Variants in ESR1 observed in about 807,000 individuals in gnomAD.
The protein encoded by ESR1 is estrogen receptor.
Under a neutral mutation model 52.7 loss-of-function variants are expected in ESR1, and 12 were observed. The observed-to-expected ratio is 0.23, with a 90% CI of 0.15 to 0.37. ESR1 has a LOEUF of 0.37. ESR1 is among the 10% of genes least tolerant of loss of function. ESR1 has a pLI of 1.00. For missense variants in ESR1, 584 were observed against 779.7 expected (o/e 0.75, Z 2.99); for synonymous variants, 305 against 316.8 (o/e 0.96, Z 0.39).
At chr6:151,837,121 CTTTTT>C (rs11372738) in intron 1 of ESR1, among the ~76,000 whole-genome samples, 1 of 134,432 alleles carries the variant, frequency 7.4e-6, no homozygotes, top group Non-Finnish European at 1.6e-5. Context: ...AGACATCCCT[CTTTTT>C]TTTTTTTTTT....
In ESR1 at chr6:152,100,601, T is replaced by A. The variant is rs2050933453; in HGVS notation, c.*1635T>A. ...AAAAGAATGTTTGATTTCCTCTGGGTGACCTTATTGTCTGTAATTGAAACC... is the reference window on the plus strand; with the variant it reads ...AAAAGAATGTTTGATTTCCTCTGGGAGACCTTATTGTCTGTAATTGAAACC... On this transcript the variant is annotated 3_prime_UTR_variant, in exon 8 of 8. Transcript: ENST00000206249. 4.3e-6 allele frequency: 1 copy of A among 232,258 alleles called. No homozygotes were observed. The highest frequency in any genetic ancestry group is 8.5e-6 in the Non-Finnish European group (1 of 117,442). 14.4% of individuals were successfully genotyped at this position (232,258 alleles called of 1,614,324 possible).
chr6:151,747,248 G>C (rs1783553098), intron 2 of ESR1, among the ~76,000 whole-genome samples: 1 of 152,160 alleles, frequency 6.6e-6, no homozygotes. Context: ...GGGAACACTG[G>C]GAGATTCAGT....
At chr6:152,088,553 G>A (rs1585196239) in intron 6 of ESR1, among the ~76,000 whole-genome samples, 2 of 152,164 alleles carry the variant, frequency 1.3e-5, no homozygotes, top group Non-Finnish European at 2.9e-5. Context: ...AACCATTCAC[G>A]GAATAACGGG....
chr6:152,117,583 T>G (rs555281662), intron 6 of ESR1, among the ~76,000 whole-genome samples: 1 of 152,230 alleles, frequency 6.6e-6, no homozygotes. Flanking sequence ...AAAGATTATA[T>G]CCAAGTCCCA....
intron 2 of ESR1, among the ~76,000 whole-genome samples, chr6:151,736,460 C>T (rs1353535363): frequency 1.4e-5 from 2 of 146,872 alleles, no homozygotes; most frequent in Non-Finnish European, 3.0e-5. Flanking sequence ...GCAACCTCCA[C>T]TTCCCGGCCT....
chr6:151,714,722 T>C (rs1022682722), intron 2 of ESR1, among the ~76,000 whole-genome samples: 2 of 152,218 alleles, frequency 1.3e-5, no homozygotes, highest in African/African-American at 4.8e-5. Context: ...ATTTTGAGCC[T>C]ATGTGTATCT....
chr6:152,022,668 G>A (rs549868931), intron 5 of ESR1, among the ~76,000 whole-genome samples: 112 of 152,140 alleles, frequency 7.4e-4, no homozygotes, highest in Admixed American at 1.4e-3. Flanking sequence ...AAGGAAGGGT[G>A]TCTTTCAAAA....
At chr6:151,962,201 G>T (rs2037747495) in intron 4 of ESR1, among the ~76,000 whole-genome samples, 1 of 152,176 alleles carries the variant, frequency 6.6e-6, no homozygotes, top group Non-Finnish European at 1.5e-5. Flanking sequence ...CTGCATGGAT[G>T]TATTGAAACA....
chr6:151,901,275 C>T (rs193024447), intron 3 of ESR1, among the ~76,000 whole-genome samples: 61 of 152,324 alleles, frequency 4.0e-4, no homozygotes, highest in East Asian at 1.4e-3. Context: ...CCCCCAAAAC[C>T]GGTCTCACTC....
intron 5 of ESR1, among the ~76,000 whole-genome samples, 197 bp downstream of exon 5, chr6:152,011,991 C>T (rs2042802521): frequency 6.8e-6 from 1 of 147,236 alleles, no homozygotes; most frequent in Non-Finnish European, 1.5e-5. Flanking sequence ...CTAGACATTA[C>T]CTCAGAAGAA....
At chr6:152,068,549 TA>T (rs2048147519) in intron 6 of ESR1, among the ~76,000 whole-genome samples, 1 of 152,156 alleles carries the variant, frequency 6.6e-6, no homozygotes, top group Non-Finnish European at 1.5e-5. Flanking sequence ...CCCCCAAGAC[TA>T]AAATTTGTGA....
At chr6:151,747,216 G>T (rs1008770569) in intron 2 of ESR1, among the ~76,000 whole-genome samples, 1 of 152,158 alleles carries the variant, frequency 6.6e-6, no homozygotes, top group Admixed American at 6.5e-5. Context: ...TACCCAGAAA[G>T]CTCTTAGATT....
At chr6:152,105,048 C>T (rs576955126), downstream of ESR1, among the ~76,000 whole-genome samples, 1 of 152,286 alleles carries the variant, frequency 6.6e-6, no homozygotes, top group South Asian at 2.1e-4. Flanking sequence ...TGGAAGACAG[C>T]CCACCTGGAG....
chr6:152,044,572 G>A (rs1448682347), intron 5 of ESR1, among the ~76,000 whole-genome samples: 7 of 121,600 alleles, frequency 5.8e-5, no homozygotes, highest in South Asian at 3.1e-4. Context: ...CCGACAGTGC[G>A]GCCTTCAGTC....
At chr6:151,677,463 C>G (rs1778290859) in intron 1 of ESR1, among the ~76,000 whole-genome samples, 1 of 152,220 alleles carries the variant, frequency 6.6e-6, no homozygotes, top group South Asian at 2.1e-4. Flanking sequence ...AATGTACACA[C>G]AGAGCCTTTT....
chr6:151,720,367 GCTT>G (rs1251553651), intron 2 of ESR1, among the ~76,000 whole-genome samples: 2 of 152,164 alleles, frequency 1.3e-5, no homozygotes, highest in African/African-American at 2.4e-5. Context: ...TTGCCTTCAT[GCTT>G]TGCTCTCACT....
At chr6:152,022,072 G>T (rs2043704646) in intron 5 of ESR1, among the ~76,000 whole-genome samples, 1 of 152,150 alleles carries the variant, frequency 6.6e-6, no homozygotes, top group Admixed American at 6.5e-5. Flanking sequence ...AGGCACTCTG[G>T]AAACTAGGTT....
chr6:152,043,975 G>A (rs1584976643), intron 5 of ESR1, among the ~76,000 whole-genome samples: 1 of 152,134 alleles, frequency 6.6e-6, no homozygotes, highest in African/African-American at 2.4e-5. Flanking sequence ...TCGAACCCAG[G>A]GCAATCTTAG....
chr6:151,876,769 A>G (rs1791893306), intron 2 of ESR1, among the ~76,000 whole-genome samples: 2 of 152,138 alleles, frequency 1.3e-5, no homozygotes, highest in African/African-American at 4.8e-5. Flanking sequence ...ACTTCCTGCC[A>G]GTCAAACCTT....
Sources: gnomAD v4.1 joint callset for allele counts (sites outside exome capture counted in the v4.1 genomes callset) on GRCh38, gnomAD v4.1.1 for gene constraint, MANE v1.5 for transcripts, NCBI Gene and HGNC (gene_info 2026-07-23, HGNC 2026-07-21) for gene names.